The following DOCK8 variants were observed in gnomAD, a reference collection of about 807,000 sequenced individuals.
DOCK8 encodes dedicator of cytokinesis 8, also known as dedicator of cytokinesis protein 8.
A neutral mutation model predicts 245.6 loss-of-function variants in DOCK8; 141 were observed. The observed-to-expected ratio is 0.57, with a 90% confidence interval of 0.50 to 0.66. The LOEUF is 0.66. Ranked by LOEUF, DOCK8 falls within the 30% of genes least tolerant of loss-of-function variation. DOCK8 has a pLI of 0.00. For missense variants in DOCK8, 2,965 were observed against 2,603.4 expected, an observed-to-expected ratio of 1.14 and a Z score of -3.02; for synonymous variants, 1,168 against 970.2, an observed-to-expected ratio of 1.20 and a Z score of -3.79.
chr9:239,887 T>C (rs2047340733), intron 1 of DOCK8, among the ~76,000 whole-genome samples: 1 of 152,236 alleles, frequency 6.6e-6, no homozygotes, highest in Non-Finnish European at 1.5e-5. Context: ...TTCTAATGAA[T>C]GCATAACATT....
rs2046732214 is a variant in DOCK8, at chr9:215,610, T to C, written c.53+581T>C. The C allele has an allele frequency of 2.3e-5, 13 of 574,264 alleles. No homozygotes were observed. In the East Asian group the frequency reaches 4.6e-4, roughly 20 times the overall value. 35.6% of individuals were successfully genotyped at this position (574,264 alleles called of 1,614,324 possible). A position where few individuals can be genotyped will look rare whatever the true frequency, so the allele number is the denominator to read the frequency against. ...AGGAGCCATGAAGTGGAAAAAGTGA[T>C]TTTTTAAAAAATCTACACTTAAATA... On this transcript the variant is annotated intron_variant, in intron 1 of 47. Coordinates refer to ENST00000432829, the MANE Select transcript of DOCK8 (RefSeq NM_203447.4).
chr9:232,650 T>G (rs1187586601), intron 1 of DOCK8, among the ~76,000 whole-genome samples: 1 of 152,330 alleles, frequency 6.6e-6, no homozygotes, highest in East Asian at 1.9e-4. Flanking sequence ...GAGGAATTTA[T>G]CCATTTCTTC....
In DOCK8 at chr9:317,098, A is replaced by G. The variant is rs745917026; in HGVS notation, c.797A>G (p.Asn266Ser). ...VPECPKEHLG[N>S]RILVKLLTLK... ...GAATGTCCCAAGGAACACCTGGGCA[A>G]CAGAATATTGGTCAAGTTGCTGACC... Residue 266 changes from asparagine (N) to serine (S), a missense_variant, in exon 7 of 48, where the codon AAC (asparagine) becomes AGC (serine). Around this residue, in one of 3 missense-constraint regions of DOCK8, gnomAD observed 2,825 missense variants for 2,453.5 expected, o/e 1.15. Coordinates refer to ENST00000432829, the MANE Select transcript of DOCK8 (RefSeq NM_203447.4). The G allele has an allele frequency of 6.2e-7, 1 of 1,614,084 alleles. No individual in the cohort carries two copies. Among genetic ancestry groups the G allele is most frequent in the Non-Finnish European group, 8.5e-7 (1 of 1,179,906 alleles).
chr9:433,800 G>C (rs1189004751), intron 37 of DOCK8, 75 bp from the exon 38 acceptor site: 1 of 1,246,692 alleles, frequency 8.0e-7, no homozygotes, highest in Non-Finnish European at 1.2e-6. Flanking sequence ...GCTTCCCCTT[G>C]CATTTCAATG....
At chr9:212,222 C>CA (rs1409415868), upstream of DOCK8, among the ~76,000 whole-genome samples, 1 of 152,048 alleles carries the variant, frequency 6.6e-6, no homozygotes, top group Admixed American at 6.6e-5. Context: ...GTTGTTTGTT[C>CA]AATAAAATAG....
chr9:317,156 G>A (rs375550227), intron 7 of DOCK8, 28 bp downstream of exon 7: 34 of 1,511,332 alleles, frequency 2.2e-5, no homozygotes, highest in Middle Eastern at 3.4e-4. Flanking sequence ...CACTGCCACC[G>A]CTTTGAGATT....
intron 30 of DOCK8, among the ~76,000 whole-genome samples, chr9:419,936 T>C (rs1191735193): frequency 2.0e-5 from 3 of 152,268 alleles, no homozygotes; most frequent in Non-Finnish European, 4.4e-5. Flanking sequence ...ACAAAGAAGC[T>C]AAATCTTGAA....
At chr9:424,072 T>G (rs888210963) in intron 33 of DOCK8, among the ~76,000 whole-genome samples, 9 of 151,874 alleles carry the variant, frequency 5.9e-5, no homozygotes, top group Admixed American at 2.0e-4. Flanking sequence ...CTTTTTTTTT[T>G]TTTTTAAAAG....
At chr9:309,542 C>G (rs921638240) in intron 5 of DOCK8, among the ~76,000 whole-genome samples, 1 of 152,124 alleles carries the variant, frequency 6.6e-6, no homozygotes, top group Non-Finnish European at 1.5e-5. Flanking sequence ...GTCTTTGGTT[C>G]AAAGCATGCA....
At chr9:400,084 A>G (rs1407642082) in intron 26 of DOCK8, among the ~76,000 whole-genome samples, 1 of 107,710 alleles carries the variant, frequency 9.3e-6, no homozygotes, top group East Asian at 2.8e-4. Context: ...CATCACCACC[A>G]CCTCCACCAT....
chr9:283,430 C>A lies in DOCK8; in HGVS notation c.157-3031C>A, dbSNP rs182279035. Among the ~76,000 whole-genome samples, 3 of 152,262 alleles carry A rather than the reference C, an allele frequency of 2.0e-5. No individual in the cohort carries two copies. The East Asian group carries it at 5.8e-4, about 29-fold the overall frequency. On this transcript the variant is annotated intron_variant, in intron 2 of 47. Coordinates refer to ENST00000432829, the MANE Select transcript of DOCK8 (RefSeq NM_203447.4). Reference sequence around the variant, plus strand: ...TTTATTTGTATAAGTTTAAGTGGTACAAGTGCAGTTTTGCTACATGAATAT... The same window carrying A: ...TTTATTTGTATAAGTTTAAGTGGTAAAAGTGCAGTTTTGCTACATGAATAT...
Position 432,458 on chromosome 9 carries a change from A to G in DOCK8, c.4785+134A>G, listed in dbSNP as rs1042916756. 3 of 862,766 alleles carry G rather than the reference A, an allele frequency of 3.5e-6. 1 individual carries two copies. Among genetic ancestry groups the G allele is most frequent in the South Asian group, 3.6e-5 (2 of 54,888 alleles). 53.4% of individuals were successfully genotyped at this position (862,766 alleles called of 1,614,324 possible). A position where few individuals can be genotyped will look rare whatever the true frequency, so the allele number is the denominator to read the frequency against. ...TGCAAGTATTTATTGTCCAATATGC[A>G]TGTGCTCTCAGCACTCTGAGAGGTT... On this transcript the variant is annotated intron_variant, in intron 37 of 47. Transcript: ENST00000432829.
intron 26 of DOCK8, among the ~76,000 whole-genome samples, chr9:402,165 C>G (rs549242837): frequency 4.0e-4 from 61 of 152,344 alleles, no homozygotes; most frequent in African/African-American, 1.4e-3. Flanking sequence ...AGGTAGATAT[C>G]TGCCTTCCCT....
chr9:440,182 C>T (rs1299716583), intron 40 of DOCK8, among the ~76,000 whole-genome samples: 1 of 152,024 alleles, frequency 6.6e-6, no homozygotes, highest in Admixed American at 6.5e-5. Flanking sequence ...CCACACTCGG[C>T]CAATTTTTTG....
chr9:400,869 T>TCACCACCACCACCAC lies in DOCK8; in HGVS notation c.3234+1620_3234+1621insACCACCACCACCACC, dbSNP rs1181815515. ...TCCACCATCACCACCTCCTCCACCA[T>TCACCACCACCACCAC]CACCACCACCTCCACCACCACCACC... On this transcript the variant is annotated intron_variant, in intron 26 of 47. Transcript: ENST00000432829. 7.6e-5 allele frequency among the ~76,000 whole-genome samples: 2 copies of TCACCACCACCACCAC among 26,184 alleles called. 1 individual carries two copies. The highest frequency in any genetic ancestry group is 9.0e-4 in the Admixed American group (2 of 2,230). The allele number at this position is 26,184 out of a possible 152,430, so 17.2% of individuals were successfully genotyped here. A position where few individuals can be genotyped will look rare whatever the true frequency, so the allele number is the denominator to read the frequency against.
At chr9:399,841 T>C (rs1453489213) in intron 26 of DOCK8, among the ~76,000 whole-genome samples, 1 of 151,944 alleles carries the variant, frequency 6.6e-6, no homozygotes, top group Non-Finnish European at 1.5e-5. Flanking sequence ...AATAGTAATA[T>C]AAATAGCAGT....
intron 2 of DOCK8, among the ~76,000 whole-genome samples, chr9:274,057 A>G (rs923989782): frequency 6.6e-6 from 1 of 152,180 alleles, no homozygotes; most frequent in Non-Finnish European, 1.5e-5. Context: ...AGGAGAAATT[A>G]TTTTATGTAA....
At chr9:368,179 C>T (rs755236845) in intron 15 of DOCK8, 44 bp downstream of exon 15, 2 of 1,505,606 alleles carry the variant, frequency 1.3e-6, no homozygotes, top group South Asian at 1.1e-5. Flanking sequence ...GGGTGGGCTG[C>T]TCACCCCTGT....
At chr9:401,453 G>T (rs2055097427) in intron 26 of DOCK8, among the ~76,000 whole-genome samples, 1 of 152,154 alleles carries the variant, frequency 6.6e-6, no homozygotes, top group African/African-American at 2.4e-5. Flanking sequence ...CAGCACAGTA[G>T]GGAGTCTCTG....
Sources: allele counts gnomAD v4.1 joint callset (sites outside exome capture counted in the v4.1 genomes callset), GRCh38; gene constraint gnomAD v4.1.1; regional missense constraint gnomAD v4.1.1; transcripts MANE v1.5; gene names NCBI Gene and HGNC (gene_info 2026-07-23, HGNC 2026-07-21).